The following PRIM2 variants were observed in gnomAD, a reference collection of about 807,000 sequenced individuals.
The protein encoded by PRIM2 is DNA primase large subunit.
PRIM2 carries 39 observed loss-of-function variants against 67.3 expected under a neutral mutation model. The observed-to-expected ratio is 0.58, with a 90% CI of 0.45 to 0.76. PRIM2 has a LOEUF of 0.76. Ranked by LOEUF, PRIM2 falls within the 30% of genes least tolerant of loss-of-function variation. The probability of loss-of-function intolerance (pLI) is 0.00; values close to 1 mark genes in which losing one functional copy is unlikely to be tolerated. For missense variants in PRIM2, 398 were observed against 598.7 expected, an observed-to-expected ratio of 0.66 and a Z score of 3.50; for synonymous variants, 143 against 198.7, an observed-to-expected ratio of 0.72 and a Z score of 2.36.
intron 7 of PRIM2, among the ~76,000 whole-genome samples, chr6:57,401,925 G>GT (rs1770721508): frequency 6.6e-6 from 1 of 152,198 alleles, no homozygotes. Flanking sequence ...TAGTCTGAGG[G>GT]TAGCAAGGGC....
At chr6:57,280,570 C>CATG in the PRIM2 span, among the ~76,000 whole-genome samples, 2 of 152,186 alleles carry the variant, frequency 1.3e-5, no homozygotes, top group Non-Finnish European at 2.9e-5. Flanking sequence ...AGTGCAACGG[C>CATG]ATGGTCTTGG....
intron 10 of PRIM2, among the ~76,000 whole-genome samples, chr6:57,595,761 C>T (rs1776354918): frequency 6.6e-6 from 1 of 152,198 alleles, no homozygotes; most frequent in African/African-American, 2.4e-5. Context: ...TCCATGCCCT[C>T]TCTGGGTGTT....
intron 7 of PRIM2, among the ~76,000 whole-genome samples, chr6:57,421,926 T>C (rs1343172531): frequency 1.3e-5 from 2 of 152,194 alleles, no homozygotes; most frequent in African/African-American, 4.8e-5. Flanking sequence ...CTAGAATAGA[T>C]GTAAGATACT....
intron 7 of PRIM2, among the ~76,000 whole-genome samples, chr6:57,432,743 G>T (rs1771877490): frequency 6.6e-6 from 1 of 152,128 alleles, no homozygotes; most frequent in Non-Finnish European, 1.5e-5. Flanking sequence ...AATTCCTGTA[G>T]AACATTGAAG....
chr6:57,433,382 C>T (rs546069802), intron 7 of PRIM2, among the ~76,000 whole-genome samples: 1 of 126,238 alleles, frequency 7.9e-6, no homozygotes, highest in South Asian at 3.1e-4. Context: ...AATGCTATCC[C>T]TCCCCCCTCC....
rs1197598656 is a variant in PRIM2 at position 57,484,798 on chromosome 6, T to G, written c.694-22589T>G. On this transcript the variant is annotated intron_variant, in intron 7 of 13. Coordinates refer to ENST00000615550, the MANE Select transcript of PRIM2 (RefSeq NM_000947.5). ...AAGTGTCTCCTTCTCAGATAAATTTTTCCTGTCTAAAATAGCCTTTTGGTC... is the reference window on the plus strand; with the variant it reads ...AAGTGTCTCCTTCTCAGATAAATTTGTCCTGTCTAAAATAGCCTTTTGGTC... 1.6e-3 allele frequency among the ~76,000 whole-genome samples: 238 copies of G among 152,344 alleles called. 1 individual carries two copies. Among genetic ancestry groups the G allele is most frequent in the Non-Finnish European group, 3.0e-3 (205 of 68,032 alleles).
the PRIM2 span, among the ~76,000 whole-genome samples, chr6:57,258,742 T>G: frequency 2.6e-5 from 4 of 152,122 alleles, no homozygotes; most frequent in South Asian, 8.3e-4. Flanking sequence ...CCATCTGATA[T>G]TATCTTTGGC....
intron 10 of PRIM2, among the ~76,000 whole-genome samples, chr6:57,538,925 T>C (rs1417423685): frequency 2.6e-5 from 4 of 152,202 alleles, no homozygotes; most frequent in Non-Finnish European, 5.9e-5. Context: ...AGAGGCCCTA[T>C]CTCCAATTAC....
At chr6:57,462,918 A>C (rs1773055300) in intron 7 of PRIM2, among the ~76,000 whole-genome samples, 2 of 152,234 alleles carry the variant, frequency 1.3e-5, no homozygotes, top group Admixed American at 1.3e-4. Flanking sequence ...CTGTTAAAAC[A>C]AATGTAGTCG....
At chr6:57,357,463 G>GT (rs1290039972) in intron 5 of PRIM2, among the ~76,000 whole-genome samples, 1 of 152,016 alleles carries the variant, frequency 6.6e-6, no homozygotes, top group Non-Finnish European at 1.5e-5. Context: ...GTGAAAACAT[G>GT]TTTTTTCCCC....
chr6:57,447,888 C>T (rs1196297064), intron 7 of PRIM2, among the ~76,000 whole-genome samples: 10 of 152,124 alleles, frequency 6.6e-5, no homozygotes, highest in Non-Finnish European at 1.2e-4. Context: ...AAGGAAAATT[C>T]TGTATTTGGG....
At chr6:57,533,029 G>A (rs1403531241) in intron 9 of PRIM2, among the ~76,000 whole-genome samples, 1 of 151,946 alleles carries the variant, frequency 6.6e-6, no homozygotes, top group Non-Finnish European at 1.5e-5. Flanking sequence ...TGAGACCAGG[G>A]CCCCACCCCC....
the PRIM2 span, among the ~76,000 whole-genome samples, chr6:57,259,520 T>A: frequency 1.3e-5 from 2 of 152,042 alleles, no homozygotes; most frequent in African/African-American, 4.8e-5. Context: ...CATTTTTTTT[T>A]AAGAGATAAG....
intron 10 of PRIM2, among the ~76,000 whole-genome samples, chr6:57,570,282 A>G (rs1249013364): frequency 1.3e-5 from 2 of 152,346 alleles, no homozygotes; most frequent in African/African-American, 4.8e-5. Context: ...TAGGTCTATA[A>G]TGAAAGCCAA....
intron 7 of PRIM2, among the ~76,000 whole-genome samples, chr6:57,442,685 A>C (rs139087299): frequency 6.6e-6 from 1 of 152,040 alleles, no homozygotes; most frequent in Non-Finnish European, 1.5e-5. Context: ...TTTATTGTAA[A>C]TTGGCAGTTT....
intron 7 of PRIM2, among the ~76,000 whole-genome samples, chr6:57,488,494 G>A (rs1414293494): frequency 2.6e-5 from 4 of 152,212 alleles, no homozygotes; most frequent in Admixed American, 6.5e-5. Context: ...AAAGTAGAAT[G>A]TAGATTAAGT....
At chr6:57,270,751 A>C in the PRIM2 span, among the ~76,000 whole-genome samples, 1 of 152,130 alleles carries the variant, frequency 6.6e-6, no homozygotes, top group South Asian at 2.1e-4. Flanking sequence ...TCAGTATGAT[A>C]TTGGCTGTGG....
At chr6:57,626,079 A>G (rs1776945435) in intron 12 of PRIM2, among the ~76,000 whole-genome samples, 1 of 152,266 alleles carries the variant, frequency 6.6e-6, no homozygotes, top group African/African-American at 2.4e-5. Flanking sequence ...AAGACAAAAC[A>G]TGACCTTGAA....
At chr6:57,527,533 C>T (rs1274855347) in intron 8 of PRIM2, among the ~76,000 whole-genome samples, 1 of 152,174 alleles carries the variant, frequency 6.6e-6, no homozygotes, top group Non-Finnish European at 1.5e-5. Flanking sequence ...CTACAGTATT[C>T]TTCCAGTTTG....
Sources: allele counts gnomAD v4.1 joint callset (sites outside exome capture counted in the v4.1 genomes callset), GRCh38; gene constraint gnomAD v4.1.1; transcripts MANE v1.5; gene names NCBI Gene and HGNC (gene_info 2026-07-23, HGNC 2026-07-21).